PCDH15: variants seen among roughly 807,000 people sequenced by gnomAD.
PCDH15 encodes protocadherin-15.
PCDH15 carries 129 observed loss-of-function variants against 178.5 expected under a neutral mutation model. That is an observed-to-expected ratio of 0.72 (90% CI 0.63 to 0.84). PCDH15 has a LOEUF of 0.84. PCDH15 is among the 40% of genes least tolerant of loss of function. The pLI, the probability that PCDH15 is intolerant of heterozygous loss-of-function variation, is 0.00. For missense variants in PCDH15, 2,230 were observed against 2,099.9 expected (o/e 1.06, Z -1.21); for synonymous variants, 800 against 732.0 (o/e 1.09, Z -1.50).
At chr10:53,984,159 T>C (rs1199112836) in intron 21 of PCDH15, among the ~76,000 whole-genome samples, 1 of 126,898 alleles carries the variant, frequency 7.9e-6, no homozygotes, top group African/African-American at 2.8e-5. Flanking sequence ...TTTTTTTTTT[T>C]TTTTTTTTGA....
chr10:54,855,171 C>T (rs921115838), intron 3 of PCDH15, among the ~76,000 whole-genome samples: 5 of 152,208 alleles, frequency 3.3e-5, no homozygotes, highest in African/African-American at 9.6e-5. Flanking sequence ...TGGTAGCAGG[C>T]ATTTTCAAGC....
chr10:55,618,390 T>C (rs1300168311), intron 2 of PCDH15, among the ~76,000 whole-genome samples: 1 of 152,060 alleles, frequency 6.6e-6, no homozygotes, highest in Non-Finnish European at 1.5e-5. Context: ...AGTGTCCTAA[T>C]AGGAAATAAA....
intron 1 of PCDH15, among the ~76,000 whole-genome samples, chr10:54,796,509 C>T (rs1259297630): frequency 2.0e-5 from 3 of 151,488 alleles, no homozygotes; most frequent in Non-Finnish European, 4.4e-5. Context: ...CTATTTCTGT[C>T]TTTCTTGACC....
intron 2 of PCDH15, among the ~76,000 whole-genome samples, chr10:54,902,808 C>T (rs546242216): frequency 6.6e-6 from 1 of 152,140 alleles, no homozygotes; most frequent in Admixed American, 6.6e-5. Context: ...TTCTCATTAG[C>T]TATTTATTTC....
intron 2 of PCDH15, among the ~76,000 whole-genome samples, chr10:54,571,061 G>A (rs1168390986): frequency 6.6e-6 from 1 of 151,990 alleles, no homozygotes; most frequent in Non-Finnish European, 1.5e-5. Flanking sequence ...CACCAGAAAT[G>A]AGATCAAAGA....
intron 1 of PCDH15, among the ~76,000 whole-genome samples, chr10:54,766,700 C>T (rs572010837): frequency 3.9e-5 from 6 of 151,904 alleles, no homozygotes; most frequent in Non-Finnish European, 5.9e-5. Context: ...GAGGCTGAGG[C>T]GGGCGGATCA....
chr10:55,524,337 G>C lies in PCDH15; in HGVS notation c.-156+103288C>G, dbSNP rs150127153. Among the ~76,000 whole-genome samples the C allele has an allele frequency of 7.9e-3, 1,196 of 151,622 alleles. 9 individuals carry two copies. The highest frequency in any genetic ancestry group is 0.012 in the Non-Finnish European group (794 of 67,710). ...ATTTAAGTAAATAGCTCCTTCCTCT[G>C]TAATTCCATAGTGCCACACTTCCAA... On this transcript the variant is annotated intron_variant, in intron 2 of 5. Transcript: ENST00000613346.
chr10:55,359,267 G>A (rs1845161350), intron 2 of PCDH15, among the ~76,000 whole-genome samples: 1 of 151,628 alleles, frequency 6.6e-6, no homozygotes, highest in African/African-American at 2.4e-5. Flanking sequence ...CTTGTGAATA[G>A]TCAATATATC....
At chr10:54,854,239 C>T (rs1045386572) in intron 3 of PCDH15, among the ~76,000 whole-genome samples, 32 of 152,236 alleles carry the variant, frequency 2.1e-4, no homozygotes, top group Non-Finnish European at 4.3e-4. Context: ...CTTAGAGATG[C>T]CAGAAACTCC....
intron 9 of PCDH15, among the ~76,000 whole-genome samples, chr10:54,233,578 C>T (rs1005191076): frequency 6.6e-6 from 1 of 152,124 alleles, no homozygotes; most frequent in African/African-American, 2.4e-5. Flanking sequence ...ATTCTAGGTG[C>T]ACTTGAGAAG....
At chr10:54,608,111 A>G (rs1342594708) in intron 2 of PCDH15, among the ~76,000 whole-genome samples, 1 of 152,018 alleles carries the variant, frequency 6.6e-6, no homozygotes, top group East Asian at 1.9e-4. Flanking sequence ...AGGACTAGGC[A>G]TAGCCCTGAG....
intron 11 of PCDH15, among the ~76,000 whole-genome samples, chr10:54,193,177 G>T (rs777283445): frequency 7.9e-5 from 12 of 152,098 alleles, no homozygotes; most frequent in Admixed American, 1.3e-4. Flanking sequence ...TTTCATCAAT[G>T]CCCTGTGAGT....
At chr10:54,934,392 A>T (rs937093950) in intron 2 of PCDH15, among the ~76,000 whole-genome samples, 5 of 151,994 alleles carry the variant, frequency 3.3e-5, no homozygotes, top group African/African-American at 9.7e-5. Flanking sequence ...AATACTAAAA[A>T]TTTTTTTTAT....
chr10:54,434,071 A>C (rs772119794), intron 3 of PCDH15, among the ~76,000 whole-genome samples: 4 of 152,190 alleles, frequency 2.6e-5, no homozygotes, highest in Non-Finnish European at 5.9e-5. Flanking sequence ...TTTAAATGTT[A>C]AAAAGTATAC....
At chr10:53,875,032 A>AT (rs1180983887) in intron 26 of PCDH15, among the ~76,000 whole-genome samples, 2 of 152,058 alleles carry the variant, frequency 1.3e-5, no homozygotes, top group South Asian at 4.1e-4. Flanking sequence ...AGCTACGAAG[A>AT]TGAACAACCT....
chr10:55,105,778 T>C (rs1842660408), intron 2 of PCDH15, among the ~76,000 whole-genome samples: 1 of 152,092 alleles, frequency 6.6e-6, no homozygotes, highest in Non-Finnish European at 1.5e-5. Context: ...TAACAATACA[T>C]TTAATATTGG....
intron 16 of PCDH15, among the ~76,000 whole-genome samples, chr10:54,084,011 G>T (rs1427548361): frequency 6.6e-6 from 1 of 151,974 alleles, no homozygotes; most frequent in East Asian, 1.9e-4. Flanking sequence ...GGATCACAAG[G>T]TCAGGAGATG....
At chr10:53,953,012 G>T (rs1329132524) in intron 23 of PCDH15, among the ~76,000 whole-genome samples, 1 of 152,228 alleles carries the variant, frequency 6.6e-6, no homozygotes, top group Non-Finnish European at 1.5e-5. Flanking sequence ...TCAGCTGGGT[G>T]ATTGCACCTG....
chr10:54,431,186 G>T (rs565547240), intron 3 of PCDH15, among the ~76,000 whole-genome samples: 104 of 152,124 alleles, frequency 6.8e-4, no homozygotes, highest in African/African-American at 2.4e-3. Context: ...CACATTTAAA[G>T]AACTAATACC....
Sources: gnomAD v4.1 joint callset for allele counts (sites outside exome capture counted in the v4.1 genomes callset) on GRCh38, gnomAD v4.1.1 for gene constraint, MANE v1.5 for transcripts, NCBI Gene and HGNC (gene_info 2026-07-23, HGNC 2026-07-21) for gene names.